The following PKD2 variants were observed in gnomAD, a reference collection of about 807,000 sequenced individuals.
PKD2 encodes the protein polycystin-2.
Under a neutral mutation model 105.9 loss-of-function variants are expected in PKD2, and 48 were observed. The observed-to-expected ratio is 0.45, with a 90% CI of 0.36 to 0.58. The LOEUF (loss-of-function observed/expected upper bound fraction) is 0.58, where lower values mean the gene tolerates loss of function less well. Ranked by LOEUF, PKD2 falls within the 20% of genes least tolerant of loss-of-function variation. The pLI, the probability that PKD2 is intolerant of heterozygous loss-of-function variation, is 0.00. For missense variants in PKD2, 1,078 were observed against 1,255.3 expected (o/e 0.86, Z 2.13); for synonymous variants, 464 against 481.1 (o/e 0.96, Z 0.46).
At chr4:88,034,035 A>G (rs1158639583) in intron 2 of PKD2, among the ~76,000 whole-genome samples, 1 of 152,176 alleles carries the variant, frequency 6.6e-6, no homozygotes, top group Admixed American at 6.5e-5. Context: ...CGTCTTGTTC[A>G]TCTTCATGCC....
Position 88,025,638 on chromosome 4 carries a change from G to T in PKD2, c.709+6067G>T, listed in dbSNP as rs538619284. Among the ~76,000 whole-genome samples the T allele has an allele frequency of 2.4e-3, 357 of 151,206 alleles. 3 individuals are homozygous for T. Among genetic ancestry groups the T allele is most frequent in the African/African-American group, 8.3e-3 (343 of 41,288 alleles). On this transcript the variant is annotated intron_variant, in intron 2 of 14. Coordinates refer to ENST00000237596, the MANE Select transcript of PKD2 (RefSeq NM_000297.4). ...CAAAAAAAAAAAAAAGAAAAGAAAA[G>T]AAAAATAAATAAAATTTATTCAAAT...
intron 5 of PKD2, among the ~76,000 whole-genome samples, chr4:88,045,379 A>G (rs886510438): frequency 6.6e-5 from 10 of 152,228 alleles, no homozygotes; most frequent in African/African-American, 2.4e-4. Flanking sequence ...AGAACTGACA[A>G]TGAAAAGGAA....
At chr4:88,017,976 G>A (rs374413523) in intron 1 of PKD2, among the ~76,000 whole-genome samples, 6 of 152,278 alleles carry the variant, frequency 3.9e-5, no homozygotes, top group Admixed American at 6.5e-5. Context: ...CAGGGCTACC[G>A]AGCCTAATCT....
chr4:88,052,369 A>G (rs964015889), intron 7 of PKD2, among the ~76,000 whole-genome samples: 5 of 152,112 alleles, frequency 3.3e-5, no homozygotes, highest in African/African-American at 1.2e-4. Flanking sequence ...CCCAGGCCCA[A>G]GCGATCCTCC....
At chr4:88,054,399 C>CA (rs201113474) in intron 7 of PKD2, among the ~76,000 whole-genome samples, 1,055 of 75,590 alleles carry the variant, frequency 0.014, 4 homozygotes, top group African/African-American at 0.016. Context: ...CACTTCGTCT[C>CA]AAAAAAAAAA....
At chr4:88,014,558 T>G (rs374569275) in intron 1 of PKD2, among the ~76,000 whole-genome samples, 178 of 151,730 alleles carry the variant, frequency 1.2e-3, no homozygotes, top group African/African-American at 4.0e-3. Context: ...CTATAGAAAA[T>G]GGACAAATAT....
rs1191252146 is a variant in PKD2, at chr4:88,077,710, A to G, written c.*2016A>G. On this transcript the variant is annotated 3_prime_UTR_variant, in exon 15 of 15. Transcript: ENST00000237596. ...ATTACATACGCAAGTCTTTCTCGAC[A>G]ATCAAGAATGTTATTAATGTGTAAT... 1.3e-5 allele frequency: 2 copies of G among 152,194 alleles called. No homozygotes were observed. Among genetic ancestry groups the G allele is most frequent in the Non-Finnish European group, 2.9e-5 (2 of 68,034 alleles). 9.4% of individuals were successfully genotyped at this position (152,194 alleles called of 1,614,324 possible).
intron 2 of PKD2, among the ~76,000 whole-genome samples, chr4:88,035,669 A>G (rs1727306171): frequency 6.6e-6 from 1 of 152,230 alleles, no homozygotes; most frequent in South Asian, 2.1e-4. Flanking sequence ...GGTATCCCCA[A>G]AGGGCAAAGG....
At chr4:88,052,885 G>A (rs939972702) in intron 7 of PKD2, among the ~76,000 whole-genome samples, 3 of 152,174 alleles carry the variant, frequency 2.0e-5, no homozygotes, top group Non-Finnish European at 4.4e-5. Context: ...TGTAAGGGAA[G>A]CTTTACCTAG....
chr4:88,065,710 G>C lies in PKD2; in HGVS notation c.2241-52G>C. 1.1e-5 allele frequency: 15 copies of C among 1,369,842 alleles called. No homozygotes were observed. The South Asian group carries it at 1.7e-4, about 16-fold the overall frequency. 84.9% of individuals were successfully genotyped at this position (1,369,842 alleles called of 1,614,324 possible). A position where few individuals can be genotyped will look rare whatever the true frequency, so the allele number is the denominator to read the frequency against. On this transcript the variant is annotated intron_variant, in intron 11 of 14. Transcript: ENST00000237596. ...GCATTTTGATGTCTCTGTGTTGAGG[G>C]TGAACTGGGTACAAGGAATGATTTT...
intron 12 of PKD2, among the ~76,000 whole-genome samples, chr4:88,067,616 G>A (rs1451469721): frequency 6.6e-6 from 1 of 152,210 alleles, no homozygotes; most frequent in East Asian, 1.9e-4. Flanking sequence ...GATTACAGGT[G>A]TGACCACTAT....
intron 1 of PKD2, among the ~76,000 whole-genome samples, chr4:88,017,970 G>A (rs146080323): frequency 6.8e-4 from 104 of 152,288 alleles, no homozygotes; most frequent in Admixed American, 3.1e-3. Context: ...TGTGTCCAGG[G>A]CTACCGAGCC....
intron 6 of PKD2, among the ~76,000 whole-genome samples, chr4:88,048,754 C>A (rs907723473): frequency 1.3e-5 from 2 of 152,176 alleles, no homozygotes; most frequent in African/African-American, 4.8e-5. Context: ...TCACACAAAT[C>A]AAGGTAAACC....
chr4:88,070,329 A>G (rs112676956), intron 13 of PKD2, among the ~76,000 whole-genome samples: 336 of 151,988 alleles, frequency 2.2e-3, no homozygotes, highest in African/African-American at 7.5e-3. Context: ...AGTTCATCCT[A>G]CTTAGAAAGT....
At chr4:88,051,210 C>G (rs1027150387) in intron 6 of PKD2, among the ~76,000 whole-genome samples, 1 of 151,126 alleles carries the variant, frequency 6.6e-6, no homozygotes, top group Non-Finnish European at 1.5e-5. Context: ...AGAGAGAAGC[C>G]CTTGGCTCAT....
intron 3 of PKD2, among the ~76,000 whole-genome samples, chr4:88,036,722 G>A (rs1727347438): frequency 6.6e-6 from 1 of 152,132 alleles, no homozygotes; most frequent in Non-Finnish European, 1.5e-5. Flanking sequence ...TTTTTTTCTA[G>A]CCTGACAGCT....
chr4:88,062,803 C>T (rs554962881), intron 10 of PKD2, among the ~76,000 whole-genome samples: 8 of 152,228 alleles, frequency 5.3e-5, no homozygotes, highest in Admixed American at 3.3e-4. Flanking sequence ...ACTTAAGCCT[C>T]TTAAAACAAA....
chr4:88,041,443 A>G (rs959647324), intron 4 of PKD2, among the ~76,000 whole-genome samples: 1 of 152,142 alleles, frequency 6.6e-6, no homozygotes, highest in Non-Finnish European at 1.5e-5. Context: ...CCTTACAGCT[A>G]AGGTTTATTA....
chr4:88,036,478 A>T, intron 3 of PKD2, 125 bp downstream of exon 3: 1 of 1,519,750 alleles, frequency 6.6e-7, no homozygotes, highest in Non-Finnish European at 8.9e-7. Context: ...GACGTAAGTT[A>T]TGGTGAGTTG....
Sources: gnomAD v4.1 joint callset for allele counts (sites outside exome capture counted in the v4.1 genomes callset) on GRCh38, gnomAD v4.1.1 for gene constraint, MANE v1.5 for transcripts, NCBI Gene and HGNC (gene_info 2026-07-23, HGNC 2026-07-21) for gene names.